The following AGAP1 variants were observed in gnomAD, a reference collection of about 807,000 sequenced individuals.
The protein encoded by AGAP1 is arf-GAP with GTPase, ANK repeat and PH domain-containing protein 1.
In AGAP1, 29 loss-of-function variants were observed where a neutral mutation model predicts 105.3. The ratio of observed to expected loss-of-function variants is 0.28; its 90% confidence interval spans 0.21 to 0.38. The LOEUF (loss-of-function observed/expected upper bound fraction) is 0.38, where lower values mean the gene tolerates loss of function less well. Ranked by LOEUF, AGAP1 falls within the 10% of genes least tolerant of loss-of-function variation. AGAP1 has a pLI of 1.00. For synonymous variants in AGAP1, 509 were observed against 485.9 expected, an observed-to-expected ratio of 1.05 and a Z score of -0.63; for missense variants, 998 against 1,165.1, an observed-to-expected ratio of 0.86 and a Z score of 2.09.
chr2:235,562,861 A>T (rs1340354786), intron 1 of AGAP1, among the ~76,000 whole-genome samples: 1 of 152,192 alleles, frequency 6.6e-6, no homozygotes, highest in East Asian at 1.9e-4. Context: ...GGTTAAGACC[A>T]GCCTGGACAA....
chr2:235,686,644 TAG>T (rs57793477), intron 1 of AGAP1, among the ~76,000 whole-genome samples: 13,258 of 50,690 alleles, frequency 0.26, 1,752 homozygotes, highest in Non-Finnish European at 0.32. Flanking sequence ...TATATATATA[TAG>T]ATATATATAT....
chr2:235,706,188 G>A (rs763964570), intron 1 of AGAP1, among the ~76,000 whole-genome samples: 2 of 152,058 alleles, frequency 1.3e-5, no homozygotes, highest in Non-Finnish European at 2.9e-5. Context: ...GCCTTGACAA[G>A]CATATGCATA....
At position 236,049,084 on chromosome 2, in the gene AGAP1, G is replaced by A; in HGVS notation, c.1917G>A (p.Leu639=). Residue 639 remains leucine, a synonymous_variant, in exon 16 of 18, where the codon TTG becomes TTA. Coordinates refer to ENST00000304032, the MANE Select transcript of AGAP1 (RefSeq NM_001037131.3). ...TQNPNWASLN[L]GALMCIECSG... is the part of the protein sequence containing the mutation. ...ATCCCAACTGGGCCAGTTTGAACTT[G>A]GGAGCCCTCATGTGCATCGAATGCT... 6.2e-7 allele frequency: 1 copy of A among 1,614,114 alleles called. No homozygotes were observed. The highest frequency in any genetic ancestry group is 8.5e-7 in the Non-Finnish European group (1 of 1,179,982).
intron 1 of AGAP1, among the ~76,000 whole-genome samples, chr2:235,564,612 G>C (rs768001201): frequency 3.4e-4 from 49 of 143,424 alleles, no homozygotes; most frequent in Non-Finnish European, 6.3e-4. Flanking sequence ...AGCCAGGTGT[G>C]AGCCTGGACC....
chr2:235,565,627 A>G (rs1449746332), intron 1 of AGAP1, among the ~76,000 whole-genome samples: 3 of 152,226 alleles, frequency 2.0e-5, no homozygotes, highest in Non-Finnish European at 4.4e-5. Flanking sequence ...TAAAGTGTCA[A>G]TACCAAAAGC....
intron 1 of AGAP1, among the ~76,000 whole-genome samples, chr2:235,695,128 G>C (rs141908254): frequency 6.6e-6 from 1 of 152,166 alleles, no homozygotes; most frequent in African/African-American, 2.4e-5. Context: ...CCTTTTCCTC[G>C]TGTTTCCTCC....
intron 1 of AGAP1, among the ~76,000 whole-genome samples, chr2:235,534,922 T>C (rs1308881411): frequency 2.0e-5 from 3 of 152,116 alleles, no homozygotes; most frequent in South Asian, 2.1e-4. Context: ...AGTTGTAGTA[T>C]TGACATTTTC....
In AGAP1 at chr2:235,612,821, G is replaced by A. The variant is rs1245151557; in HGVS notation, c.164-96358G>A. ...CAGCCGATGTTGTGATCTTGTGGAG[G>A]GAATGACCCCACGTCTCTGGATTCT... On this transcript the variant is annotated intron_variant, in intron 1 of 17. Transcript: ENST00000304032. This position sits in a 1 kb window ranked among gnomAD's most constrained non-coding sequence, Gnocchi z 4.3. 6.6e-6 allele frequency among the ~76,000 whole-genome samples: 1 copy of A among 152,102 alleles called. No homozygotes were observed. Among genetic ancestry groups the A allele is most frequent in the Non-Finnish European group, 1.5e-5 (1 of 68,020 alleles).
At chr2:235,766,398 G>T (rs1302413998) in intron 6 of AGAP1, among the ~76,000 whole-genome samples, 1 of 152,138 alleles carries the variant, frequency 6.6e-6, no homozygotes, top group African/African-American at 2.4e-5. Context: ...CCACTAGGGG[G>T]CATTGAAAGC....
intron 1 of AGAP1, among the ~76,000 whole-genome samples, chr2:235,648,728 A>T (rs13412715): frequency 6.7e-6 from 1 of 148,746 alleles, no homozygotes; most frequent in Non-Finnish European, 1.5e-5. Context: ...AAAAAAAAAA[A>T]AAAAAAACAT....
chr2:235,677,589 G>C (rs181929191), intron 1 of AGAP1, among the ~76,000 whole-genome samples: 16 of 152,200 alleles, frequency 1.1e-4, no homozygotes, highest in African/African-American at 3.9e-4. Context: ...ACACAGGAAT[G>C]CTCCTTTATT....
rs2059839146 is a variant in AGAP1, at chr2:236,119,025, C to T, written c.2115-1167C>T. 6.6e-6 allele frequency among the ~76,000 whole-genome samples: 1 copy of T among 152,182 alleles called. No individual in the cohort carries two copies. The highest frequency in any genetic ancestry group is 2.4e-5 in the African/African-American group (1 of 41,442). On this transcript the variant is annotated intron_variant, in intron 16 of 17. Coordinates refer to ENST00000304032, the MANE Select transcript of AGAP1 (RefSeq NM_001037131.3). The surrounding 1 kb of genome is among the most constrained non-coding windows in gnomAD (Gnocchi z 6.6). ...CTCTTCTATTTGTTAAGCTTCTCAT[C>T]TCATCCTGTCCTCTCCTTCTTAGCC...
rs1478192627 is a variant in AGAP1, at chr2:236,087,325, C to T, written c.2115-32867C>T. Among the ~76,000 whole-genome samples, 3 of 151,936 alleles carry T rather than the reference C, an allele frequency of 2.0e-5. No individual in the cohort carries two copies. The highest frequency in any genetic ancestry group is 4.4e-5 in the Non-Finnish European group (3 of 67,996). On this transcript the variant is annotated intron_variant, in intron 16 of 17. Transcript: ENST00000304032. The surrounding 1 kb of genome is among the most constrained non-coding windows in gnomAD (Gnocchi z 5.7). Reference sequence around the variant, plus strand: ...CCAGAGCCCGGGGTGGGGGCGGGAGCGGGGGCTAGCTGTGGGTGTTCATTG... The same window carrying T: ...CCAGAGCCCGGGGTGGGGGCGGGAGTGGGGGCTAGCTGTGGGTGTTCATTG...
At chr2:235,522,864 AGAG>A (rs760196705) in intron 1 of AGAP1, among the ~76,000 whole-genome samples, 28 of 152,306 alleles carry the variant, frequency 1.8e-4, no homozygotes, top group Admixed American at 3.9e-4. Flanking sequence ...TGTGGGCAGA[AGAG>A]GAGAAGGATA....
At chr2:235,797,996 T>A in intron 7 of AGAP1, 110 bp downstream of exon 7, 1 of 1,329,844 alleles carries the variant, frequency 7.5e-7, no homozygotes, top group Non-Finnish European at 1.0e-6. Flanking sequence ...ACTTTATAAG[T>A]AACAGCATGT....
Position 235,635,530 on chromosome 2 carries a change from C to T in AGAP1, c.164-73649C>T, listed in dbSNP as rs115739895. On this transcript the variant is annotated intron_variant, in intron 1 of 17. Transcript: ENST00000304032. This position sits in a 1 kb window ranked among gnomAD's most constrained non-coding sequence, Gnocchi z 5.3. ...GAGATGATTCAACATGATTTGGAAA[C>T]CATGGGGTAAGTCTCTGAGGAACAA... Among the ~76,000 whole-genome samples, 2,854 of 152,120 alleles carry T rather than the reference C, an allele frequency of 0.019. 81 individuals carry two copies. The highest frequency in any genetic ancestry group is 0.064 in the African/African-American group (2,653 of 41,466).
At chr2:236,029,099 G>A (rs1261468946) in intron 13 of AGAP1, among the ~76,000 whole-genome samples, 4 of 151,932 alleles carry the variant, frequency 2.6e-5, no homozygotes, top group South Asian at 4.2e-4. Context: ...TGTCCTCACC[G>A]CTACTCTCAC....
At position 236,124,409 on chromosome 2, in the gene AGAP1, G is replaced by A. The variant is rs111407327; in HGVS notation, c.*287G>A. On this transcript the variant is annotated 3_prime_UTR_variant, in exon 18 of 18. Coordinates refer to ENST00000304032, the MANE Select transcript of AGAP1 (RefSeq NM_001037131.3). The surrounding 1 kb of genome is among the most constrained non-coding windows in gnomAD (Gnocchi z 5.1). ...CTCGGCCCTTTGATGATAGCACATG[G>A]CGCAGGACCCTTGTCCTGGTGGCAC... 22 of 463,642 alleles carry A rather than the reference G, an allele frequency of 4.7e-5. 1 individual carries two copies. Among genetic ancestry groups the A allele is most frequent in the Non-Finnish European group, 1.6e-5 (4 of 252,720 alleles). The allele number at this position is 463,642 out of a possible 1,614,324, so 28.7% of individuals were successfully genotyped here. A position where few individuals can be genotyped will look rare whatever the true frequency, so the allele number is the denominator to read the frequency against.
intron 1 of AGAP1, among the ~76,000 whole-genome samples, chr2:235,521,650 C>T (rs1942617856): frequency 6.6e-6 from 1 of 151,818 alleles, no homozygotes; most frequent in Admixed American, 6.6e-5. Context: ...CCAGAACAGG[C>T]CTCATTGTGA....
Sources: allele counts gnomAD v4.1 joint callset (sites outside exome capture counted in the v4.1 genomes callset), GRCh38; gene constraint gnomAD v4.1.1; non-coding constraint Gnocchi (gnomAD v3.1); transcripts MANE v1.5; gene names NCBI Gene and HGNC (gene_info 2026-07-23, HGNC 2026-07-21).